The following FEM1B variants were observed in gnomAD, a reference collection of about 807,000 sequenced individuals.
FEM1B encodes the protein protein fem-1 homolog B.
In FEM1B, 10 loss-of-function variants were observed where a neutral mutation model predicts 38.6. The ratio of observed to expected loss-of-function variants is 0.26; its 90% CI spans 0.16 to 0.44. FEM1B has a LOEUF of 0.44. Ranked by LOEUF, FEM1B falls within the 20% of genes least tolerant of loss-of-function variation. FEM1B has a pLI of 1.00. For synonymous variants in FEM1B, 288 were observed against 288.0 expected (o/e 1.00, Z 0.00); for missense variants, 471 against 786.7 (o/e 0.60, Z 4.80).
rs1892891816 is a variant in FEM1B at position 68,295,233 on chromosome 15, A to G, written c.*3991A>G. 6.6e-6 allele frequency: 1 copy of G among 152,228 alleles called. No homozygotes were observed. Among genetic ancestry groups the G allele is most frequent in the African/African-American group, 2.4e-5 (1 of 41,474 alleles). 9.4% of individuals were successfully genotyped at this position (152,228 alleles called of 1,614,324 possible). A position where few individuals can be genotyped will look rare whatever the true frequency, so the allele number is the denominator to read the frequency against. On this transcript the variant is annotated 3_prime_UTR_variant, in exon 2 of 2. Coordinates refer to ENST00000306917, the MANE Select transcript of FEM1B (RefSeq NM_015322.5). ...TCTTGATGTGTGTATAGGGGTAAGT[A>G]TTGCTAAATTATTTACAGCTTTTAT...
chr15:68,278,289 C>A lies in FEM1B; in HGVS notation c.-129C>A. The stretch of plus-strand genomic sequence containing the variant: ...GGGCCGCACTGCTGCCTGGGCGCGG[C>A]GGCGGCGACGGCGCCCTGTTGAATG... On this transcript the variant is annotated 5_prime_UTR_variant, in exon 1 of 2. Coordinates refer to ENST00000306917, the MANE Select transcript of FEM1B (RefSeq NM_015322.5). The surrounding 1 kb of genome is among the most constrained non-coding windows in gnomAD (Gnocchi z 5.7). 1 of 1,242,668 alleles carries A rather than the reference C, an allele frequency of 8.0e-7. No homozygotes were observed. The highest frequency in any genetic ancestry group is 1.1e-6 in the Non-Finnish European group (1 of 916,086). 77.0% of individuals were successfully genotyped at this position (1,242,668 alleles called of 1,614,324 possible). A position where few individuals can be genotyped will look rare whatever the true frequency, so the allele number is the denominator to read the frequency against.
rs139115473 is a variant in FEM1B at position 68,281,836 on chromosome 15, G to C, written c.248+3171G>C. Reference sequence around the variant, plus strand: ...TCACCGTGTTAGCCAGGATGGTCTCGATCTCCTGACCTCGTGATCCGCATG... The same window carrying C: ...TCACCGTGTTAGCCAGGATGGTCTCCATCTCCTGACCTCGTGATCCGCATG... On this transcript the variant is annotated intron_variant, in intron 1 of 1. Transcript: ENST00000306917. This position sits in a 1 kb window ranked among gnomAD's most constrained non-coding sequence, Gnocchi z 5.1. 0.027 allele frequency among the ~76,000 whole-genome samples: 4,135 copies of C among 152,220 alleles called. 198 individuals are homozygous for C. The highest frequency in any genetic ancestry group is 0.095 in the African/African-American group (3,949 of 41,510).
chr15:68,289,545 C>T lies in FEM1B; in HGVS notation c.249-62C>T, dbSNP rs1892824354. 16 of 1,218,466 alleles carry T rather than the reference C, an allele frequency of 1.3e-5. No individual in the cohort carries two copies. The highest frequency in any genetic ancestry group is 2.6e-4 in the Middle Eastern group (1 of 3,856). 75.5% of individuals were successfully genotyped at this position (1,218,466 alleles called of 1,614,324 possible). On this transcript the variant is annotated intron_variant, in intron 1 of 1. Transcript: ENST00000306917. This position sits in a 1 kb window ranked among gnomAD's most constrained non-coding sequence, Gnocchi z 6.9. ...TCTTGGTCGGTGGGAGTGAATACAT[C>T]CCTTAAACATATGTTAGGCTGTGGC... is the stretch of plus-strand genomic sequence containing the variant.
In FEM1B at chr15:68,294,977, G is replaced by T. The variant is rs1892888374; in HGVS notation, c.*3735G>T. On this transcript the variant is annotated 3_prime_UTR_variant, in exon 2 of 2. Transcript: ENST00000306917. This position sits in a 1 kb window ranked among gnomAD's most constrained non-coding sequence, Gnocchi z 4.4. The stretch of plus-strand genomic sequence containing the variant: ...AAAACTCCTATGTGTTTATCACATT[G>T]CAGGGCTTTCTTATGTATTTCTGGC... The T allele has an allele frequency of 6.6e-6, 1 of 152,178 alleles. No individual in the cohort carries two copies. The highest frequency in any genetic ancestry group is 2.4e-5 in the African/African-American group (1 of 41,442). 9.4% of individuals were successfully genotyped at this position (152,178 alleles called of 1,614,324 possible). A position where few individuals can be genotyped will look rare whatever the true frequency, so the allele number is the denominator to read the frequency against.
rs573248922 is a variant in FEM1B at position 68,280,910 on chromosome 15, G to A, written c.248+2245G>A. Among the ~76,000 whole-genome samples, 4 of 152,308 alleles carry A rather than the reference G, an allele frequency of 2.6e-5. No homozygotes were observed. The South Asian group carries it at 8.3e-4, about 32-fold the overall frequency. Reference sequence around the variant, plus strand: ...TAAATGCTTGTGATGGGCCTAGCCTGTGTCATGTTCTGGAGGAAATGTAAG... The same window carrying A: ...TAAATGCTTGTGATGGGCCTAGCCTATGTCATGTTCTGGAGGAAATGTAAG... On this transcript the variant is annotated intron_variant, in intron 1 of 1. Coordinates refer to ENST00000306917, the MANE Select transcript of FEM1B (RefSeq NM_015322.5). The surrounding 1 kb of genome is among the most constrained non-coding windows in gnomAD (Gnocchi z 4.2).
rs1043378 is a variant in FEM1B, at chr15:68,291,300, A to G, written c.*58A>G. 3 of 1,288,912 alleles carry G rather than the reference A, an allele frequency of 2.3e-6. No homozygotes were observed. The highest frequency in any genetic ancestry group is 3.2e-6 in the Non-Finnish European group (3 of 927,960). The allele number at this position is 1,288,912 out of a possible 1,614,324, so 79.8% of individuals were successfully genotyped here. The stretch of plus-strand genomic sequence containing the variant: ...GCTAAAAAGTAAAGGACTTTTAATC[A>G]CAGACAGTAGAATTATGTGTTCATA... On this transcript the variant is annotated 3_prime_UTR_variant, in exon 2 of 2. Coordinates refer to ENST00000306917, the MANE Select transcript of FEM1B (RefSeq NM_015322.5). This position sits in a 1 kb window ranked among gnomAD's most constrained non-coding sequence, Gnocchi z 6.9.
In FEM1B at chr15:68,289,242, A is replaced by T. The variant is rs117429382; in HGVS notation, c.249-365A>T. On this transcript the variant is annotated intron_variant, in intron 1 of 1. Coordinates refer to ENST00000306917, the MANE Select transcript of FEM1B (RefSeq NM_015322.5). The surrounding 1 kb of genome is among the most constrained non-coding windows in gnomAD (Gnocchi z 6.9). ...CTGGAGGCTACTGGGAAGGAGGAAC[A>T]TGCTGTTCTCCTAGTAACCAGTGAA... 4 of 193,376 alleles carry T rather than the reference A, an allele frequency of 2.1e-5. No individual in the cohort carries two copies. The Admixed American group carries it at 2.1e-4, about 10-fold the overall frequency. The allele number at this position is 193,376 out of a possible 1,614,324, so 12.0% of individuals were successfully genotyped here. A position where few individuals can be genotyped will look rare whatever the true frequency, so the allele number is the denominator to read the frequency against.
chr15:68,279,230 G>C (rs879635306), intron 1 of FEM1B, among the ~76,000 whole-genome samples: 1 of 152,184 alleles, frequency 6.6e-6, no homozygotes, highest in Non-Finnish European at 1.5e-5. Context: ...ACATGATTCT[G>C]ATTCCTCCAC....
chr15:68,283,838 C>G (rs1892754550), intron 1 of FEM1B, among the ~76,000 whole-genome samples: 1 of 150,306 alleles, frequency 6.7e-6, no homozygotes, highest in African/African-American at 2.4e-5. Flanking sequence ...ACGTTTGATG[C>G]ATTTTATGGT....
chr15:68,282,895 G>A lies in FEM1B; in HGVS notation c.248+4230G>A, dbSNP rs558330915. Among the ~76,000 whole-genome samples the A allele has an allele frequency of 2.0e-5, 3 of 152,290 alleles. No homozygotes were observed. The East Asian group carries it at 5.8e-4, about 29-fold the overall frequency. On this transcript the variant is annotated intron_variant, in intron 1 of 1. Coordinates refer to ENST00000306917, the MANE Select transcript of FEM1B (RefSeq NM_015322.5). ...ATCTGTTTAATATTTTGATTTAGAT[G>A]TAGAAATTCTAAATTTACCAAGGCT...
In FEM1B at chr15:68,281,722, A is replaced by G. The variant is rs1186765435; in HGVS notation, c.248+3057A>G. On this transcript the variant is annotated intron_variant, in intron 1 of 1. Coordinates refer to ENST00000306917, the MANE Select transcript of FEM1B (RefSeq NM_015322.5). This position sits in a 1 kb window ranked among gnomAD's most constrained non-coding sequence, Gnocchi z 5.1. ...AAGCTCTGCCTTCCGGGTTCATGCC[A>G]TTCTCCTGCCTCAGCCTCCCGAGTA... Among the ~76,000 whole-genome samples the G allele has an allele frequency of 6.6e-6, 1 of 151,910 alleles. No homozygotes were observed. Among genetic ancestry groups the G allele is most frequent in the Non-Finnish European group, 1.5e-5 (1 of 67,982 alleles).
intron 1 of FEM1B, among the ~76,000 whole-genome samples, chr15:68,286,497 C>CAT (rs71145158): frequency 2.0e-5 from 3 of 146,750 alleles, no homozygotes; most frequent in Non-Finnish European, 3.0e-5. Flanking sequence ...CACACACACA[C>CAT]ATATACCACA....
Position 68,290,279 on chromosome 15 carries a change from A to G in FEM1B, c.921A>G (p.Glu307=). ...TCCATGCTTATGGGAATAGAACTGA[A>G]TGTAGAAATCCTCAGGAACTGGAGT... is the stretch of plus-strand genomic sequence containing the variant. ...PPIHAYGNRT[E]CRNPQELESI... is the part of the protein sequence containing the mutation. Residue 307 remains glutamate (E), a synonymous_variant, in exon 2 of 2, where the codon GAA becomes GAG. Coordinates refer to ENST00000306917, the MANE Select transcript of FEM1B (RefSeq NM_015322.5). This position sits in a 1 kb window ranked among gnomAD's most constrained non-coding sequence, Gnocchi z 9.7. The G allele has an allele frequency of 6.2e-7, 1 of 1,614,122 alleles. No individual in the cohort carries two copies.
chr15:68,289,557 T>A lies in FEM1B; in HGVS notation c.249-50T>A, dbSNP rs112190675. On this transcript the variant is annotated intron_variant, in intron 1 of 1. Coordinates refer to ENST00000306917, the MANE Select transcript of FEM1B (RefSeq NM_015322.5). The surrounding 1 kb of genome is among the most constrained non-coding windows in gnomAD (Gnocchi z 6.9). ...GGAGTGAATACATCCCTTAAACATA[T>A]GTTAGGCTGTGGCCTCTGTTATCTA... The A allele has an allele frequency of 3.6e-6, 5 of 1,383,946 alleles. No homozygotes were observed. In the East Asian group the frequency reaches 6.9e-5, roughly 19 times the overall value. 85.7% of individuals were successfully genotyped at this position (1,383,946 alleles called of 1,614,324 possible).
rs965905309 is a variant in FEM1B at position 68,295,851 on chromosome 15, G to C, written c.*4609G>C. On this transcript the variant is annotated 3_prime_UTR_variant, in exon 2 of 2. Coordinates refer to ENST00000306917, the MANE Select transcript of FEM1B (RefSeq NM_015322.5). ...AAAATGGTGTTTGTGTTCAGTAAAT[G>C]TTTGAAAAAAACTACTTTGAGGTTT... 3 of 152,096 alleles carry C rather than the reference G, an allele frequency of 2.0e-5. No homozygotes were observed. The highest frequency in any genetic ancestry group is 4.4e-5 in the Non-Finnish European group (3 of 68,012). 9.4% of individuals were successfully genotyped at this position (152,096 alleles called of 1,614,324 possible).
intron 1 of FEM1B, among the ~76,000 whole-genome samples, chr15:68,285,529 T>C (rs1892775604): frequency 6.6e-6 from 1 of 151,566 alleles, no homozygotes; most frequent in East Asian, 1.9e-4. Context: ...GCTCAACACT[T>C]ATTATTGCCC....
rs1428755570 is a variant in FEM1B, at chr15:68,278,221, G to A, written c.-197G>A. On this transcript the variant is annotated 5_prime_UTR_variant, in exon 1 of 2. Coordinates refer to ENST00000306917, the MANE Select transcript of FEM1B (RefSeq NM_015322.5). This position sits in a 1 kb window ranked among gnomAD's most constrained non-coding sequence, Gnocchi z 5.7. The stretch of plus-strand genomic sequence containing the variant: ...CCTGCGCGGGCTGGGTCGCGGACGT[G>A]CCCTTCGCGGCACTCGGCCTCCTCT... The A allele has an allele frequency of 1.3e-5, 9 of 697,412 alleles. No individual in the cohort carries two copies. The highest frequency in any genetic ancestry group is 2.0e-5 in the Non-Finnish European group (9 of 442,886). 43.2% of individuals were successfully genotyped at this position (697,412 alleles called of 1,614,324 possible). A position where few individuals can be genotyped will look rare whatever the true frequency, so the allele number is the denominator to read the frequency against.
rs1892692047 is a variant in FEM1B, at chr15:68,278,747, A to G, written c.248+82A>G. The G allele has an allele frequency of 6.6e-7, 1 of 1,517,712 alleles. No homozygotes were observed. The highest frequency in any genetic ancestry group is 9.0e-7 in the Non-Finnish European group (1 of 1,105,122). The allele number at this position is 1,517,712 out of a possible 1,614,324, so 94.0% of individuals were successfully genotyped here. On this transcript the variant is annotated intron_variant, in intron 1 of 1. Coordinates refer to ENST00000306917, the MANE Select transcript of FEM1B (RefSeq NM_015322.5). The surrounding 1 kb of genome is among the most constrained non-coding windows in gnomAD (Gnocchi z 5.7). The stretch of plus-strand genomic sequence containing the variant: ...GCCCTCCCCTCCCTCACCCTCTCTT[A>G]CCCTCTCTTCATGTAGGTACTCACT...
At position 68,285,264 on chromosome 15, in the gene FEM1B, TATTA is replaced by T. The variant is rs761540507; in HGVS notation, c.249-4336_249-4333del. 1.7e-4 allele frequency among the ~76,000 whole-genome samples: 26 copies of T among 149,768 alleles called. No homozygotes were observed. In the South Asian group the frequency reaches 1.9e-3, roughly 11 times the overall value. On this transcript the variant is annotated intron_variant, in intron 1 of 1. Coordinates refer to ENST00000306917, the MANE Select transcript of FEM1B (RefSeq NM_015322.5). ...AATATACTACAGTTTATCCATTTCC[TATTA>T]ATTAATATTTTGGTTGTTTCCAGTG...
Sources: gnomAD v4.1 joint callset for allele counts (sites outside exome capture counted in the v4.1 genomes callset) on GRCh38, gnomAD v4.1.1 for gene constraint, Gnocchi (gnomAD v3.1) non-coding constraint, MANE v1.5 for transcripts, NCBI Gene and HGNC (gene_info 2026-07-23, HGNC 2026-07-21) for gene names.